The following TYR variants were observed in gnomAD, a reference collection of about 807,000 sequenced individuals.
TYR encodes the protein tyrosinase.
TYR carries 58 observed loss-of-function variants against 51.5 expected under a neutral mutation model. The observed-to-expected ratio is 1.13, with a 90% CI of 0.91 to 1.40. The LOEUF (loss-of-function observed/expected upper bound fraction) is 1.40. TYR is among the 40% of genes most tolerant of loss of function. The pLI, the probability that TYR is intolerant of heterozygous loss-of-function variation, is 0.00. For synonymous variants in TYR, 263 were observed against 235.2 expected (o/e 1.12, Z -1.08); for missense variants, 732 against 647.4 (o/e 1.13, Z -1.42).
chr11:89,244,540 G>A (rs1313390912), intron 3 of TYR, among the ~76,000 whole-genome samples: 1 of 152,074 alleles, frequency 6.6e-6, no homozygotes, highest in Non-Finnish European at 1.5e-5. Context: ...GACCTATTTT[G>A]TCTTATGCTA....
chr11:89,190,809 A>G (rs1943433100), intron 1 of TYR, among the ~76,000 whole-genome samples: 1 of 152,052 alleles, frequency 6.6e-6, no homozygotes, highest in African/African-American at 2.4e-5. Context: ...AAAAAATTTT[A>G]TACTGTATTT....
chr11:89,264,850 A>G (rs1242722590), intron 3 of TYR, among the ~76,000 whole-genome samples: 2 of 151,896 alleles, frequency 1.3e-5, no homozygotes, highest in African/African-American at 4.8e-5. Context: ...TTATATATCT[A>G]AGAACTCTCC....
intron 2 of TYR, among the ~76,000 whole-genome samples, chr11:89,216,455 G>A (rs575719087): frequency 1.1e-4 from 16 of 151,550 alleles, no homozygotes; most frequent in East Asian, 3.9e-4. Context: ...AGTTTGACAC[G>A]AGCCCAGGCA....
At chr11:89,204,822 AT>A (rs1943650316) in intron 2 of TYR, among the ~76,000 whole-genome samples, 1 of 150,096 alleles carries the variant, frequency 6.7e-6, no homozygotes, top group Non-Finnish European at 1.5e-5. Context: ...ACATCCTTGA[AT>A]TAAAAAAAAA....
intron 3 of TYR, among the ~76,000 whole-genome samples, chr11:89,239,651 A>G (rs1944165884): frequency 6.6e-6 from 1 of 151,918 alleles, no homozygotes; most frequent in Admixed American, 6.6e-5. Context: ...TGTATTTGAA[A>G]TATTTTTTGT....
chr11:89,192,838 C>T (rs1180636030), intron 2 of TYR, among the ~76,000 whole-genome samples: 1 of 152,110 alleles, frequency 6.6e-6, no homozygotes, highest in African/African-American at 2.4e-5. Flanking sequence ...TTATTATTCC[C>T]ACTTTTAAGG....
intron 4 of TYR, among the ~76,000 whole-genome samples, chr11:89,292,956 TA>T (rs969539407): frequency 2.0e-5 from 3 of 151,730 alleles, no homozygotes; most frequent in African/African-American, 7.3e-5. Flanking sequence ...AAATGTCCAT[TA>T]AATTAAGTCT....
At chr11:89,239,895 GA>G (rs1228452261) in intron 3 of TYR, among the ~76,000 whole-genome samples, 3 of 152,172 alleles carry the variant, frequency 2.0e-5, no homozygotes, top group Non-Finnish European at 4.4e-5. Flanking sequence ...ATTTTGGTCA[GA>G]AAAGATACTT....
chr11:89,258,648 T>C (rs1018709376), intron 3 of TYR, among the ~76,000 whole-genome samples: 3 of 152,132 alleles, frequency 2.0e-5, no homozygotes, highest in African/African-American at 7.2e-5. Context: ...AGTGGACAGA[T>C]ATTGGGTGAA....
At chr11:89,221,181 G>A (rs1943907846) in intron 2 of TYR, among the ~76,000 whole-genome samples, 2 of 152,202 alleles carry the variant, frequency 1.3e-5, no homozygotes, top group South Asian at 4.1e-4. Context: ...CTCACTGTTA[G>A]GGTTAGAGGA....
At chr11:89,185,261 G>A (rs1943355023) in intron 1 of TYR, among the ~76,000 whole-genome samples, 1 of 152,024 alleles carries the variant, frequency 6.6e-6, no homozygotes, top group South Asian at 2.1e-4. Flanking sequence ...TAATGTATAT[G>A]GAGATATCTC....
intron 3 of TYR, among the ~76,000 whole-genome samples, chr11:89,259,344 G>A (rs1466626272): frequency 6.6e-6 from 1 of 151,814 alleles, no homozygotes; most frequent in Non-Finnish European, 1.5e-5. Flanking sequence ...ATTAGTATTT[G>A]GCCTTATTCT....
intron 2 of TYR, among the ~76,000 whole-genome samples, chr11:89,219,740 C>A (rs879225552): frequency 1.3e-5 from 2 of 152,014 alleles, no homozygotes; most frequent in Admixed American, 1.3e-4. Flanking sequence ...GTGACACTAC[C>A]AAAAATTCTT....
chr11:89,290,712 AG>A (rs1197577038), intron 4 of TYR, among the ~76,000 whole-genome samples: 2 of 152,024 alleles, frequency 1.3e-5, no homozygotes, highest in Non-Finnish European at 2.9e-5. Flanking sequence ...TTTCTTTTTA[AG>A]GGAACTTCCC....
At chr11:89,252,521 C>A (rs1944342117) in intron 3 of TYR, among the ~76,000 whole-genome samples, 1 of 151,818 alleles carries the variant, frequency 6.6e-6, no homozygotes, top group Non-Finnish European at 1.5e-5. Context: ...AGTAGAAAAA[C>A]AAAATCCACT....
chr11:89,271,172 C>A (rs539291201), intron 3 of TYR, among the ~76,000 whole-genome samples: 1 of 151,892 alleles, frequency 6.6e-6, no homozygotes, highest in African/African-American at 2.4e-5. Context: ...CTATGCTACA[C>A]GTTACTCTAA....
At chr11:89,253,072 T>A (rs766420776) in intron 3 of TYR, among the ~76,000 whole-genome samples, 20 of 151,676 alleles carry the variant, frequency 1.3e-4, no homozygotes, top group Non-Finnish European at 2.4e-4. Context: ...ACCTCCAAAT[T>A]TAAACTTCAG....
chr11:89,246,532 C>T (rs1382241947), intron 3 of TYR, among the ~76,000 whole-genome samples: 1 of 152,136 alleles, frequency 6.6e-6, no homozygotes, highest in Non-Finnish European at 1.5e-5. Context: ...TCTCCCTTAG[C>T]GTGTCTCTTA....
intron 1 of TYR, among the ~76,000 whole-genome samples, chr11:89,187,618 G>A (rs973112041): frequency 1.3e-5 from 2 of 152,032 alleles, no homozygotes; most frequent in South Asian, 4.1e-4. Context: ...AAATCATGTA[G>A]TCTATATTCA....
Sources: gnomAD v4.1 joint callset for allele counts (sites outside exome capture counted in the v4.1 genomes callset) on GRCh38, gnomAD v4.1.1 for gene constraint, MANE v1.5 for transcripts, NCBI Gene and HGNC (gene_info 2026-07-23, HGNC 2026-07-21) for gene names.